The following ERC2 variants were observed in gnomAD, a reference collection of about 807,000 sequenced individuals.
ERC2 encodes ERC protein 2.
In ERC2, 42 loss-of-function variants were observed where a neutral mutation model predicts 114.8. That is an observed-to-expected ratio of 0.37 (90% CI 0.29 to 0.47). The LOEUF is 0.47. ERC2 is among the 20% of genes least tolerant of loss of function. The probability of loss-of-function intolerance (pLI) is 0.99; values close to 1 mark genes in which losing one functional copy is unlikely to be tolerated. For synonymous variants in ERC2, 454 were observed against 425.5 expected (o/e 1.07, Z -0.82); for missense variants, 939 against 1,150.7 (o/e 0.82, Z 2.66).
chr3:55,560,736 G>A (rs1432771203), intron 17 of ERC2, among the ~76,000 whole-genome samples: 1 of 152,198 alleles, frequency 6.6e-6, no homozygotes, highest in South Asian at 2.1e-4. Flanking sequence ...ACCAAGTTTT[G>A]GGGGCATTTG....
chr3:55,804,001 A>G (rs72877125), intron 14 of ERC2, among the ~76,000 whole-genome samples: 4,786 of 152,280 alleles, frequency 0.031, 90 homozygotes, highest in Middle Eastern at 0.082. Flanking sequence ...GTCACTGTCT[A>G]TTGACTGGAA....
At position 55,511,201 on chromosome 3, in the gene ERC2, T is replaced by A. The variant is rs2052041831; in HGVS notation, c.*115A>T. On this transcript the variant is annotated 3_prime_UTR_variant, in exon 18 of 18. Transcript: ENST00000288221. ...CGCTCCAGGTGGTGGTGGACAGTGA[T>A]GTGAGCCGCACTGCAATACATTATC... 6.6e-6 allele frequency: 1 copy of A among 152,668 alleles called. No individual in the cohort carries two copies. Among genetic ancestry groups the A allele is most frequent in the South Asian group, 2.1e-4 (1 of 4,832 alleles). 9.5% of individuals were successfully genotyped at this position (152,668 alleles called of 1,614,324 possible). A position where few individuals can be genotyped will look rare whatever the true frequency, so the allele number is the denominator to read the frequency against.
intron 16 of ERC2, among the ~76,000 whole-genome samples, chr3:55,695,036 T>G (rs536503372): frequency 6.6e-6 from 1 of 152,220 alleles, no homozygotes; most frequent in Non-Finnish European, 1.5e-5. Flanking sequence ...AAAAGGAAAG[T>G]AGAAAGACTT....
chr3:56,243,361 A>G (rs1338027328), intron 3 of ERC2, among the ~76,000 whole-genome samples: 1 of 152,212 alleles, frequency 6.6e-6, no homozygotes, highest in Non-Finnish European at 1.5e-5. Flanking sequence ...AGTAAATCGC[A>G]TGACAGCAAA....
chr3:55,601,508 C>T (rs929956297), intron 17 of ERC2, among the ~76,000 whole-genome samples: 1 of 152,240 alleles, frequency 6.6e-6, no homozygotes, highest in African/African-American at 2.4e-5. Flanking sequence ...CACATTCACA[C>T]TGGTTGTGTG....
intron 17 of ERC2, among the ~76,000 whole-genome samples, chr3:55,524,500 G>GTTT (rs34258011): frequency 3.6e-4 from 43 of 120,820 alleles, no homozygotes; most frequent in South Asian, 5.8e-4. Flanking sequence ...AGCTCCAGTG[G>GTTT]TTTTTTTTTT....
At chr3:55,729,837 CAAAAAAAAA>C (rs71096498) in intron 15 of ERC2, among the ~76,000 whole-genome samples, 789 of 61,656 alleles carry the variant, frequency 0.013, 34 homozygotes, top group African/African-American at 0.013. Flanking sequence ...GACTCTATCG[CAAAAAAAAA>C]AAAAAAAAAA....
chr3:56,360,009 C>A (rs1283430604), intron 2 of ERC2, among the ~76,000 whole-genome samples: 1 of 151,576 alleles, frequency 6.6e-6, no homozygotes, highest in East Asian at 1.9e-4. Flanking sequence ...ACCATAGCAG[C>A]CAATTAATGG....
intron 2 of ERC2, among the ~76,000 whole-genome samples, chr3:56,419,071 A>C: frequency 6.6e-6 from 1 of 152,250 alleles, no homozygotes; most frequent in East Asian, 1.9e-4. Flanking sequence ...TCTACATAGA[A>C]AAAGGAAATG....
At chr3:55,616,070 G>T (rs893706148) in intron 17 of ERC2, among the ~76,000 whole-genome samples, 3 of 152,124 alleles carry the variant, frequency 2.0e-5, no homozygotes, top group Admixed American at 2.0e-4. Context: ...TCCTTCCCAG[G>T]CCATCCTCCT....
chr3:56,416,579 A>C (rs2061163244), intron 2 of ERC2, among the ~76,000 whole-genome samples: 1 of 151,282 alleles, frequency 6.6e-6, no homozygotes, highest in East Asian at 1.9e-4. Flanking sequence ...GACCACAAGA[A>C]CGCAAATTCC....
chr3:56,341,658 C>T (rs1036799402), intron 2 of ERC2, among the ~76,000 whole-genome samples: 1 of 152,054 alleles, frequency 6.6e-6, no homozygotes, highest in African/African-American at 2.4e-5. Context: ...CTCTCTATCA[C>T]CAGATATCAT....
At chr3:55,550,263 C>T (rs61254607) in intron 17 of ERC2, among the ~76,000 whole-genome samples, 1,915 of 152,252 alleles carry the variant, frequency 0.013, 44 homozygotes, top group African/African-American at 0.044. Flanking sequence ...TGGTCATATT[C>T]ATCTCTCATA....
intron 13 of ERC2, among the ~76,000 whole-genome samples, chr3:55,893,788 C>T (rs950672790): frequency 6.6e-6 from 1 of 152,186 alleles, no homozygotes; most frequent in African/African-American, 2.4e-5. Context: ...ACCCCTCCCA[C>T]ATGTATAATA....
intron 13 of ERC2, among the ~76,000 whole-genome samples, chr3:55,929,049 T>C (rs1350411): frequency 0.72 from 108,736 of 151,966 alleles, 39,157 homozygotes; most frequent in Admixed American, 0.78. Context: ...GTTAACCTCT[T>C]TGGTGGGGAG....
intron 2 of ERC2, among the ~76,000 whole-genome samples, chr3:56,366,671 T>C (rs1234815059): frequency 6.6e-6 from 1 of 152,236 alleles, no homozygotes; most frequent in East Asian, 1.9e-4. Flanking sequence ...TGCTCCCTTT[T>C]GTCCTTCTAT....
chr3:56,417,233 T>C (rs1013100101), intron 2 of ERC2, among the ~76,000 whole-genome samples: 14 of 152,218 alleles, frequency 9.2e-5, no homozygotes, highest in African/African-American at 3.1e-4. Context: ...TTTCTGAGGA[T>C]TCAGATAATA....
At chr3:55,616,291 C>A (rs2059119554) in intron 17 of ERC2, among the ~76,000 whole-genome samples, 1 of 145,002 alleles carries the variant, frequency 6.9e-6, no homozygotes. Context: ...GGATAAGTAG[C>A]AGCCACTTAG....
intron 1 of ERC2, among the ~76,000 whole-genome samples, chr3:56,452,507 G>T (rs2062867017): frequency 6.6e-6 from 1 of 152,244 alleles, no homozygotes; most frequent in East Asian, 1.9e-4. Flanking sequence ...TTTCTAAATT[G>T]ATTTAGGTTT....
Sources: allele counts gnomAD v4.1 joint callset (sites outside exome capture counted in the v4.1 genomes callset), GRCh38; gene constraint gnomAD v4.1.1; transcripts MANE v1.5; gene names NCBI Gene and HGNC (gene_info 2026-07-23, HGNC 2026-07-21).